The following CCSER1 variants were observed in gnomAD, a reference collection of about 807,000 sequenced individuals.
CCSER1 encodes the protein serine-rich coiled-coil domain-containing protein 1.
In CCSER1, 41 loss-of-function variants were observed where a neutral mutation model predicts 82.0. The observed-to-expected ratio is 0.50, with a 90% CI of 0.39 to 0.65. The LOEUF (loss-of-function observed/expected upper bound fraction) is 0.65. CCSER1 is among the 30% of genes least tolerant of loss of function. CCSER1 has a pLI of 0.00. For synonymous variants in CCSER1, 414 were observed against 383.9 expected, an observed-to-expected ratio of 1.08 and a Z score of -0.92; for missense variants, 1,119 against 1,064.2, an observed-to-expected ratio of 1.05 and a Z score of -0.72.
chr4:91,443,508 G>C (rs1388978532), intron 10 of CCSER1, among the ~76,000 whole-genome samples: 1 of 117,934 alleles, frequency 8.5e-6, no homozygotes, highest in Admixed American at 1.0e-4. Context: ...ACTGTTGTGG[G>C]GTGGGGGGAG....
At chr4:91,520,915 C>T (rs146437837) in intron 10 of CCSER1, among the ~76,000 whole-genome samples, 6 of 151,974 alleles carry the variant, frequency 3.9e-5, no homozygotes, top group South Asian at 2.1e-4. Flanking sequence ...ACTTTAAGTT[C>T]GAGGGTACAT....
chr4:91,316,667 G>A (rs967697282), intron 10 of CCSER1, among the ~76,000 whole-genome samples: 2 of 151,890 alleles, frequency 1.3e-5, no homozygotes, highest in Non-Finnish European at 2.9e-5. Context: ...CTGGGAAAAA[G>A]CCACCACCAT....
chr4:90,373,436 G>A (rs994503691), intron 3 of CCSER1, among the ~76,000 whole-genome samples: 2 of 152,130 alleles, frequency 1.3e-5, no homozygotes, highest in African/African-American at 4.8e-5. Flanking sequence ...ACTTAATATG[G>A]TGCAATATGG....
At chr4:91,274,055 T>A (rs1465721201) in intron 10 of CCSER1, among the ~76,000 whole-genome samples, 1 of 152,238 alleles carries the variant, frequency 6.6e-6, no homozygotes, top group Admixed American at 6.5e-5. Flanking sequence ...TAAGAAAGTC[T>A]AAAATAAAGT....
chr4:91,373,077 A>G (rs962409532), intron 10 of CCSER1, among the ~76,000 whole-genome samples: 2 of 151,714 alleles, frequency 1.3e-5, no homozygotes, highest in South Asian at 4.2e-4. Flanking sequence ...AATCATTTCT[A>G]CTTCCACTTT....
chr4:90,276,090 CAT>C (rs1727475507), intron 1 of CCSER1, among the ~76,000 whole-genome samples: 2 of 152,086 alleles, frequency 1.3e-5, no homozygotes, highest in African/African-American at 4.8e-5. Flanking sequence ...CACAACCTGA[CAT>C]ATCTTGATAT....
chr4:90,473,376 T>G (rs1764652404), intron 5 of CCSER1, among the ~76,000 whole-genome samples: 1 of 152,162 alleles, frequency 6.6e-6, no homozygotes, highest in African/African-American at 2.4e-5. Flanking sequence ...TTTTATATTA[T>G]TTTATATAAA....
intron 4 of CCSER1, among the ~76,000 whole-genome samples, chr4:90,409,600 A>G (rs1754354384): frequency 6.6e-6 from 1 of 152,226 alleles, no homozygotes; most frequent in African/African-American, 2.4e-5. Context: ...TGTCACCACC[A>G]GACCTGCCCT....
intron 5 of CCSER1, among the ~76,000 whole-genome samples, chr4:90,595,539 C>T (rs72871921): frequency 0.27 from 40,329 of 151,618 alleles, 5,704 homozygotes; most frequent in East Asian, 0.55. Context: ...CTCTGAGACA[C>T]GATTGAAATA....
intron 8 of CCSER1, among the ~76,000 whole-genome samples, chr4:90,906,405 C>A (rs1298958746): frequency 6.6e-6 from 1 of 152,056 alleles, no homozygotes; most frequent in African/African-American, 2.4e-5. Context: ...GCTGACTCTG[C>A]AAGTGTCTAG....
At chr4:90,930,626 A>C (rs1230306193) in intron 9 of CCSER1, among the ~76,000 whole-genome samples, 1 of 151,656 alleles carries the variant, frequency 6.6e-6, no homozygotes, top group African/African-American at 2.4e-5. Context: ...AAAAAGAAAA[A>C]GGAAAAGAAA....
chr4:90,900,847 T>C (rs1396932758), intron 8 of CCSER1, among the ~76,000 whole-genome samples: 1 of 151,978 alleles, frequency 6.6e-6, no homozygotes, highest in Non-Finnish European at 1.5e-5. Context: ...GTTTCTTTGT[T>C]AGTTTTCTGC....
chr4:90,310,399 A>C (rs571191265), intron 2 of CCSER1, among the ~76,000 whole-genome samples: 19 of 152,084 alleles, frequency 1.2e-4, no homozygotes, highest in Non-Finnish European at 2.5e-4. Flanking sequence ...TTTCTCTACT[A>C]TCATTAATGC....
chr4:90,455,512 C>T (rs536584271), intron 4 of CCSER1, among the ~76,000 whole-genome samples: 11 of 152,244 alleles, frequency 7.2e-5, no homozygotes, highest in African/African-American at 2.6e-4. Context: ...GGTTGGTTAC[C>T]CATCAGGAAA....
intron 10 of CCSER1, among the ~76,000 whole-genome samples, chr4:91,430,486 C>A (rs1754231708): frequency 6.6e-6 from 1 of 152,160 alleles, no homozygotes; most frequent in Non-Finnish European, 1.5e-5. Context: ...CACATGTGTG[C>A]ATGGGCACAA....
chr4:90,325,577 A>T (rs961809498), intron 3 of CCSER1: 4 of 422,222 alleles, frequency 9.5e-6, no homozygotes, highest in African/African-American at 8.1e-5. Flanking sequence ...AGCATAAGAG[A>T]TAATATTTAT....
At chr4:91,241,753 G>T (rs1033004983) in intron 10 of CCSER1, among the ~76,000 whole-genome samples, 3 of 151,834 alleles carry the variant, frequency 2.0e-5, no homozygotes, top group Non-Finnish European at 4.4e-5. Context: ...ACACATTAAT[G>T]TTCCATTTAC....
chr4:90,265,072 A>T (rs1725000053), intron 1 of CCSER1, among the ~76,000 whole-genome samples: 1 of 151,948 alleles, frequency 6.6e-6, no homozygotes, highest in Non-Finnish European at 1.5e-5. Context: ...CTTATGTATT[A>T]TATATAATCT....
At chr4:91,493,915 T>C (rs906091295) in intron 10 of CCSER1, among the ~76,000 whole-genome samples, 4 of 151,888 alleles carry the variant, frequency 2.6e-5, no homozygotes, top group African/African-American at 9.7e-5. Flanking sequence ...AATATTATTA[T>C]ATTATCTTTC....
Sources: gnomAD v4.1 joint callset for allele counts (sites outside exome capture counted in the v4.1 genomes callset) on GRCh38, gnomAD v4.1.1 for gene constraint, MANE v1.5 for transcripts, NCBI Gene and HGNC (gene_info 2026-07-23, HGNC 2026-07-21) for gene names.